The following TNR variants were observed in gnomAD, a reference collection of about 807,000 sequenced individuals.
TNR encodes tenascin-R.
Under a neutral mutation model 150.4 loss-of-function variants are expected in TNR, and 45 were observed. The ratio of observed to expected loss-of-function variants is 0.30; its 90% confidence interval spans 0.24 to 0.38. The LOEUF is 0.38. TNR is among the 10% of genes least tolerant of loss of function. The pLI, the probability that TNR is intolerant of heterozygous loss-of-function variation, is 1.00. For missense variants in TNR, 1,544 were observed against 1,759.1 expected, an observed-to-expected ratio of 0.88 and a Z score of 2.19; for synonymous variants, 687 against 678.4, an observed-to-expected ratio of 1.01 and a Z score of -0.20.
chr1:175,640,775 ATGTG>A lies in TNR; in HGVS notation c.-165+102447_-165+102450del, dbSNP rs147075678. Among the ~76,000 whole-genome samples, 9 of 150,902 alleles carry A rather than the reference ATGTG, an allele frequency of 6.0e-5. No individual in the cohort carries two copies. The East Asian group carries it at 1.7e-3, about 29-fold the overall frequency. On this transcript the variant is annotated intron_variant, in intron 1 of 22. Coordinates refer to ENST00000367674, the MANE Select transcript of TNR (RefSeq NM_003285.3). ...TAACCTGTTACAACTAAATATATAT[ATGTG>A]TGTGTGTGTGGGTATATATATATAT...
chr1:175,564,407 TC>T (rs1287778126), intron 1 of TNR, among the ~76,000 whole-genome samples: 1 of 152,224 alleles, frequency 6.6e-6, no homozygotes, highest in African/African-American at 2.4e-5. Context: ...AAGAAATCCC[TC>T]GTCAAGAGCC....
chr1:175,646,316 C>T (rs1164253307), intron 1 of TNR, among the ~76,000 whole-genome samples: 1 of 152,184 alleles, frequency 6.6e-6, no homozygotes, highest in East Asian at 1.9e-4. Context: ...TTACTGGAAG[C>T]TAACCACATA....
chr1:175,618,654 C>T (rs886797178), intron 1 of TNR, among the ~76,000 whole-genome samples: 5 of 152,178 alleles, frequency 3.3e-5, no homozygotes, highest in Non-Finnish European at 7.3e-5. Flanking sequence ...GAGAACCATA[C>T]AGAAAGCCAT....
intron 1 of TNR, among the ~76,000 whole-genome samples, chr1:175,725,133 A>C (rs1173197792): frequency 2.0e-5 from 3 of 152,172 alleles, no homozygotes; most frequent in Non-Finnish European, 2.9e-5. Context: ...CATCAATGGA[A>C]GTGTAGAGAA....
At chr1:175,628,546 C>A (rs560872991) in intron 1 of TNR, among the ~76,000 whole-genome samples, 1 of 152,054 alleles carries the variant, frequency 6.6e-6, no homozygotes, top group Non-Finnish European at 1.5e-5. Context: ...AAGAATGGCA[C>A]CTTTTTTTGC....
At position 175,539,287 on chromosome 1, in the gene TNR, A is replaced by G. The variant is rs76094916; in HGVS notation, c.-164-10918T>C. ...CTAAAAATTGCTGGAGGCAAAGACA[A>G]TAATAGAAAATGGCTACTGCTCTTG... On this transcript the variant is annotated intron_variant, in intron 1 of 22. Coordinates refer to ENST00000367674, the MANE Select transcript of TNR (RefSeq NM_003285.3). 12 of 152,378 alleles carry G rather than the reference A, an allele frequency of 7.9e-5. No homozygotes were observed. The East Asian group carries it at 1.9e-3, about 24-fold the overall frequency. 9.4% of individuals were successfully genotyped at this position (152,378 alleles called of 1,614,324 possible).
rs1662640190 is a variant in TNR, at chr1:175,587,927, G to A, written c.-164-59558C>T. Among the ~76,000 whole-genome samples, 3 of 152,208 alleles carry A rather than the reference G, an allele frequency of 2.0e-5. No individual in the cohort carries two copies. The South Asian group carries it at 6.2e-4, about 31-fold the overall frequency. On this transcript the variant is annotated intron_variant, in intron 1 of 22. Coordinates refer to ENST00000367674, the MANE Select transcript of TNR (RefSeq NM_003285.3). ...AACAGTGAGGGCCACTCACATGGTG[G>A]AGGGGATTAAGCCTAAGTCATAAAG...
intron 2 of TNR, among the ~76,000 whole-genome samples, chr1:175,434,699 G>A (rs1446264538): frequency 6.6e-6 from 1 of 152,072 alleles, no homozygotes; most frequent in Non-Finnish European, 1.5e-5. Flanking sequence ...ATTTATGCCC[G>A]GGAATACGGT....
At chr1:175,521,235 A>T (rs1027959857) in intron 2 of TNR, among the ~76,000 whole-genome samples, 1 of 152,096 alleles carries the variant, frequency 6.6e-6, no homozygotes, top group African/African-American at 2.4e-5. Context: ...CAATCTCTTC[A>T]TTTCTCACAG....
chr1:175,549,317 T>TA (rs1660841837), intron 1 of TNR, among the ~76,000 whole-genome samples: 1 of 152,218 alleles, frequency 6.6e-6, no homozygotes, highest in Non-Finnish European at 1.5e-5. Context: ...ACACTGATAT[T>TA]AAAAACGGCA....
chr1:175,316,934 C>T lies in TNR; in HGVS notation c.*6423G>A, dbSNP rs1046008754. The T allele has an allele frequency of 1.3e-5, 2 of 152,116 alleles. No individual in the cohort carries two copies. Among genetic ancestry groups the T allele is most frequent in the Non-Finnish European group, 2.9e-5 (2 of 68,020 alleles). The allele number at this position is 152,116 out of a possible 1,614,324, so 9.4% of individuals were successfully genotyped here. On this transcript the variant is annotated 3_prime_UTR_variant, in exon 23 of 23. Transcript: ENST00000367674. ...CCCCTTGTAAGAATATTAGTAAAAT[C>T]CAAGATGGTGGTCACTCAGCTAAAT... is the stretch of plus-strand genomic sequence containing the variant.
chr1:175,414,752 T>G lies in TNR; in HGVS notation c.-63-7975A>C, dbSNP rs76473508. 4.6e-5 allele frequency among the ~76,000 whole-genome samples: 7 copies of G among 152,298 alleles called. No individual in the cohort carries two copies. In the East Asian group the frequency reaches 1.3e-3, roughly 29 times the overall value. On this transcript the variant is annotated intron_variant, in intron 2 of 22. Transcript: ENST00000367674. ...TGTCCCACCTAAAGTTGTTTTTCTTTTCCTCTTCCTCCCCCACATGACCTC... is the reference window on the plus strand; with the variant it reads ...TGTCCCACCTAAAGTTGTTTTTCTTGTCCTCTTCCTCCCCCACATGACCTC...
chr1:175,683,995 G>A (rs1217680665), intron 1 of TNR, among the ~76,000 whole-genome samples: 2 of 152,168 alleles, frequency 1.3e-5, no homozygotes, highest in Non-Finnish European at 2.9e-5. Context: ...CGGGAGCTGG[G>A]AGACTCCAGC....
intron 2 of TNR, among the ~76,000 whole-genome samples, chr1:175,477,487 T>C (rs1484858849): frequency 1.3e-5 from 2 of 152,208 alleles, no homozygotes; most frequent in East Asian, 1.9e-4. Context: ...AACCAATTTC[T>C]TGTCTGTTTG....
intron 1 of TNR, among the ~76,000 whole-genome samples, chr1:175,588,766 T>C (rs1171817261): frequency 6.6e-6 from 1 of 152,178 alleles, no homozygotes; most frequent in Non-Finnish European, 1.5e-5. Context: ...ATGAATAAAC[T>C]GGCCTCAGAA....
chr1:175,742,532 CA>C (rs1667959442), intron 1 of TNR, among the ~76,000 whole-genome samples: 1 of 152,140 alleles, frequency 6.6e-6, no homozygotes, highest in South Asian at 2.1e-4. Context: ...AAGCTCAAGA[CA>C]CTAGCACTTT....
chr1:175,596,037 A>C (rs540203208), intron 1 of TNR, among the ~76,000 whole-genome samples: 1 of 152,346 alleles, frequency 6.6e-6, no homozygotes, highest in South Asian at 2.1e-4. Flanking sequence ...TGGTCTAAGA[A>C]AATCCACTTT....
intron 1 of TNR, among the ~76,000 whole-genome samples, chr1:175,648,275 C>A (rs2101886451): frequency 6.6e-6 from 1 of 152,216 alleles, no homozygotes; most frequent in South Asian, 2.1e-4. Flanking sequence ...CTATAGTAAG[C>A]ACTTAATACG....
chr1:175,460,994 C>T (rs1050061888), intron 2 of TNR, among the ~76,000 whole-genome samples: 3 of 152,206 alleles, frequency 2.0e-5, no homozygotes, highest in Non-Finnish European at 2.9e-5. Flanking sequence ...TGTATGTGCA[C>T]ACACTGATGC....
Sources: gnomAD v4.1 joint callset for allele counts (sites outside exome capture counted in the v4.1 genomes callset) on GRCh38, gnomAD v4.1.1 for gene constraint, MANE v1.5 for transcripts, NCBI Gene and HGNC (gene_info 2026-07-23, HGNC 2026-07-21) for gene names.